The following C1orf159 variants were observed in gnomAD, a reference collection of about 807,000 sequenced individuals.
C1orf159 encodes the protein chromosome 1 open reading frame 159.
Under a neutral mutation model 25.6 loss-of-function variants are expected in C1orf159, and 19 were observed. The ratio of observed to expected loss-of-function variants is 0.74; its 90% CI spans 0.52 to 1.09. The LOEUF is 1.09. Ranked by LOEUF, C1orf159 falls within the 50% of genes least tolerant of loss-of-function variation. The pLI is 0.00. For synonymous variants in C1orf159, 139 were observed against 124.7 expected (o/e 1.12, Z -0.77); for missense variants, 274 against 290.6 (o/e 0.94, Z 0.42).
chr1:1,082,739 G>A lies in C1orf159; in HGVS notation c.*154C>T, dbSNP rs111507292. The A allele has an allele frequency of 2.1e-3, 1,440 of 683,036 alleles. 15 individuals carry two copies. In the African/African-American group the frequency reaches 0.023, roughly 11 times the overall value. The allele number at this position is 683,036 out of a possible 1,614,324, so 42.3% of individuals were successfully genotyped here. A position where few individuals can be genotyped will look rare whatever the true frequency, so the allele number is the denominator to read the frequency against. ...CTCAGGCGGCCCGGGACCCTTTGGC[G>A]TCCGTCGCTGGGAGGCGGAGGGACT... On this transcript the variant is annotated 3_prime_UTR_variant, in exon 10 of 10. Transcript: ENST00000421241.
rs756822133 is a variant in C1orf159 at position 1,084,124 on chromosome 1, A to T, written c.502+229T>A. The T allele has an allele frequency of 2.6e-6, 4 of 1,566,856 alleles. No homozygotes were observed. The African/African-American group carries it at 5.4e-5, about 21-fold the overall frequency. On this transcript the variant is annotated intron_variant, in intron 9 of 9. Transcript: ENST00000421241. ...AAAGAGCATGGAAGTCACGGGGATT[A>T]AAGGGGGGCGGGCAGGGGGCGCCGG...
chr1:1,108,637 G>A lies in C1orf159; in HGVS notation c.-136+7423C>T, dbSNP rs566057860. Among the ~76,000 whole-genome samples, 926 of 103,018 alleles carry A rather than the reference G, an allele frequency of 9.0e-3. 10 individuals are homozygous for A. The highest frequency in any genetic ancestry group is 0.012 in the Non-Finnish European group (630 of 52,380). 67.6% of individuals were successfully genotyped at this position (103,018 alleles called of 152,430 possible). A position where few individuals can be genotyped will look rare whatever the true frequency, so the allele number is the denominator to read the frequency against. On this transcript the variant is annotated intron_variant, in intron 1 of 9. Transcript: ENST00000421241. Reference sequence around the variant, plus strand: ...ACAGCCACCATGTCTCAGCAGCACCGTCCACCACAGCCACCATGTCTCGGC... The same window carrying A: ...ACAGCCACCATGTCTCAGCAGCACCATCCACCACAGCCACCATGTCTCGGC...
rs1133647 is a variant in C1orf159 at position 1,081,961 on chromosome 1, G to A, written c.*932C>T. The A allele has an allele frequency of 2.0e-5, 3 of 152,194 alleles. No individual in the cohort carries two copies. Among genetic ancestry groups the A allele is most frequent in the African/African-American group, 7.2e-5 (3 of 41,452 alleles). The allele number at this position is 152,194 out of a possible 1,614,324, so 9.4% of individuals were successfully genotyped here. A position where few individuals can be genotyped will look rare whatever the true frequency, so the allele number is the denominator to read the frequency against. ...CCCGAAGGCCAGGCCACCCCTCAGA[G>A]GGGGGTCCCATGCTAAAGCAGACGG... On this transcript the variant is annotated 3_prime_UTR_variant, in exon 10 of 10. Coordinates refer to ENST00000421241, the MANE Select transcript of C1orf159 (RefSeq NM_017891.5). This position sits in a 1 kb window ranked among gnomAD's most constrained non-coding sequence, Gnocchi z 7.1.
chr1:1,084,116 C>T (rs375632331), intron 9 of C1orf159: 53 of 1,568,040 alleles, frequency 3.4e-5, no homozygotes, highest in East Asian at 2.0e-4. Context: ...ATGGAAGTCA[C>T]GGGGATTAAA....
chr1:1,115,365 AG>A (rs2100784818), intron 1 of C1orf159, among the ~76,000 whole-genome samples: 1 of 152,304 alleles, frequency 6.6e-6, no homozygotes, highest in Admixed American at 6.5e-5. Context: ...CGCGGGAAAA[AG>A]ACCTGAATCG....
In C1orf159 at chr1:1,090,620, GC is replaced by G. The variant is rs1645914090; in HGVS notation, c.73-193del. The G allele has an allele frequency of 4.3e-6, 3 of 701,888 alleles. No individual in the cohort carries two copies. The East Asian group carries it at 8.1e-5, about 19-fold the overall frequency. 43.5% of individuals were successfully genotyped at this position (701,888 alleles called of 1,614,324 possible). On this transcript the variant is annotated intron_variant, in intron 3 of 9. Transcript: ENST00000421241. ...CAAGGAGGGGCCTCACAGCCACAGTGCACATCCCTGTGGGACCCTGGGTGGG... is the reference window on the plus strand; with the variant it reads ...CAAGGAGGGGCCTCACAGCCACAGTGACATCCCTGTGGGACCCTGGGTGGG...
In C1orf159 at chr1:1,087,381, G is replaced by C. The variant is rs987499575; in HGVS notation, c.244+121C>G. The C allele has an allele frequency of 1.7e-6, 2 of 1,189,232 alleles. No homozygotes were observed. Among genetic ancestry groups the C allele is most frequent in the South Asian group, 1.5e-5 (1 of 65,298 alleles). 73.7% of individuals were successfully genotyped at this position (1,189,232 alleles called of 1,614,324 possible). A position where few individuals can be genotyped will look rare whatever the true frequency, so the allele number is the denominator to read the frequency against. On this transcript the variant is annotated intron_variant, in intron 5 of 9. Coordinates refer to ENST00000421241, the MANE Select transcript of C1orf159 (RefSeq NM_017891.5). The surrounding 1 kb of genome is among the most constrained non-coding windows in gnomAD (Gnocchi z 8.3). ...GCAGACTCGGGAAGAGGGGGCTCCC[G>C]GGGCTGTTCCCCAGTGGACAGTGGC... is the stretch of plus-strand genomic sequence containing the variant.
chr1:1,091,857 G>A (rs1020883832), intron 2 of C1orf159, 134 bp downstream of exon 2: 2 of 492,528 alleles, frequency 4.1e-6, no homozygotes, highest in East Asian at 4.1e-5. Context: ...TGAGTTAAAT[G>A]GAGATGGGGC....
At chr1:1,090,590 G>C in intron 3 of C1orf159, 162 bp from the exon 4 acceptor site, 1 of 776,466 alleles carries the variant, frequency 1.3e-6, no homozygotes, top group Non-Finnish European at 2.1e-6. Flanking sequence ...CTGTGGGCCT[G>C]GGAGCAAGGA....
chr1:1,099,647 C>A (rs1646069218), intron 1 of C1orf159, among the ~76,000 whole-genome samples: 1 of 151,008 alleles, frequency 6.6e-6, no homozygotes, highest in African/African-American at 2.4e-5. Context: ...AGGTTAAAAT[C>A]TCTGACTATG....
intron 3 of C1orf159, chr1:1,090,965 C>A: frequency 6.5e-7 from 1 of 1,550,274 alleles, no homozygotes; most frequent in Non-Finnish European, 8.7e-7. Context: ...TTGATCACAG[C>A]TGTGCTGTTT....
chr1:1,092,964 C>T (rs185687520), intron 1 of C1orf159, among the ~76,000 whole-genome samples: 1 of 152,156 alleles, frequency 6.6e-6, no homozygotes, highest in Non-Finnish European at 1.5e-5. Flanking sequence ...GTGGGATGAT[C>T]ACCTGAGCCC....
intron 3 of C1orf159, chr1:1,090,765 T>C (rs1245370673): frequency 2.1e-6 from 2 of 954,906 alleles, no homozygotes; most frequent in Non-Finnish European, 3.3e-6. Context: ...CCATCAGGGG[T>C]TTCCGCTTGA....
At chr1:1,104,716 GC>G (rs1296795585) in intron 1 of C1orf159, among the ~76,000 whole-genome samples, 4 of 152,070 alleles carry the variant, frequency 2.6e-5, no homozygotes, top group Non-Finnish European at 5.9e-5. Context: ...GACTGCTTGA[GC>G]CCAGGAGTTC....
chr1:1,082,662 A>G lies in C1orf159; in HGVS notation c.*231T>C, dbSNP rs1006693777. 1 of 562,464 alleles carries G rather than the reference A, an allele frequency of 1.8e-6. No homozygotes were observed. The allele number at this position is 562,464 out of a possible 1,614,324, so 34.8% of individuals were successfully genotyped here. Reference sequence around the variant, plus strand: ...CCTCGATCTGAAGCTCTGAGGTCTCATGGATGCCTGCTCCTGGTCCGATAA... The same window carrying G: ...CCTCGATCTGAAGCTCTGAGGTCTCGTGGATGCCTGCTCCTGGTCCGATAA... On this transcript the variant is annotated 3_prime_UTR_variant, in exon 10 of 10. Coordinates refer to ENST00000421241, the MANE Select transcript of C1orf159 (RefSeq NM_017891.5).
intron 1 of C1orf159, among the ~76,000 whole-genome samples, chr1:1,096,288 G>A (rs1227016937): frequency 6.6e-6 from 1 of 152,096 alleles, no homozygotes; most frequent in Non-Finnish European, 1.5e-5. Flanking sequence ...TGAGCTCCTG[G>A]GATCAAGGGA....
intron 1 of C1orf159, among the ~76,000 whole-genome samples, chr1:1,111,802 G>A (rs768163022): frequency 2.6e-5 from 4 of 152,186 alleles, no homozygotes; most frequent in Admixed American, 6.5e-5. Flanking sequence ...CACTGCATCC[G>A]TGTAGCTAAT....
At chr1:1,113,836 C>T (rs1241382491) in intron 1 of C1orf159, among the ~76,000 whole-genome samples, 1 of 152,176 alleles carries the variant, frequency 6.6e-6, no homozygotes, top group Non-Finnish European at 1.5e-5. Context: ...GGGCCGTCCA[C>T]CCGCACAGCG....
chr1:1,115,497 C>G (rs1488443171), intron 1 of C1orf159, among the ~76,000 whole-genome samples: 1 of 140,200 alleles, frequency 7.1e-6, no homozygotes, highest in Non-Finnish European at 1.6e-5. Context: ...CCCCAGGGAC[C>G]CCCTCCCTGC....
Sources: gnomAD v4.1 joint callset for allele counts (sites outside exome capture counted in the v4.1 genomes callset) on GRCh38, gnomAD v4.1.1 for gene constraint, Gnocchi (gnomAD v3.1) non-coding constraint, MANE v1.5 for transcripts, NCBI Gene and HGNC (gene_info 2026-07-23, HGNC 2026-07-21) for gene names.